The following PIK3C2G variants were observed in gnomAD, a reference collection of about 807,000 sequenced individuals.
The protein encoded by PIK3C2G is phosphatidylinositol 3-kinase C2 domain-containing subunit gamma.
A neutral mutation model predicts 181.1 loss-of-function variants in PIK3C2G; 168 were observed. The observed-to-expected ratio is 0.93, with a 90% CI of 0.82 to 1.05. The LOEUF is 1.05. PIK3C2G is among the 50% of genes least tolerant of loss of function. The pLI is 0.00. For synonymous variants in PIK3C2G, 573 were observed against 592.2 expected, an observed-to-expected ratio of 0.97 and a Z score of 0.47; for missense variants, 1,869 against 1,732.8, an observed-to-expected ratio of 1.08 and a Z score of -1.40.
chr12:18,316,789 A>G (rs1249906672), intron 6 of PIK3C2G, among the ~76,000 whole-genome samples: 2 of 152,012 alleles, frequency 1.3e-5, no homozygotes, highest in African/African-American at 4.8e-5. Flanking sequence ...ATGTATTTGT[A>G]TATTTGTATA....
the PIK3C2G span, among the ~76,000 whole-genome samples, chr12:18,721,884 AC>A: frequency 6.6e-6 from 1 of 151,954 alleles, no homozygotes; most frequent in Non-Finnish European, 1.5e-5. Flanking sequence ...AATATCGAGA[AC>A]CCTTCAAAAT....
chr12:18,498,553 T>C (rs553807998), intron 22 of PIK3C2G, among the ~76,000 whole-genome samples: 101 of 148,538 alleles, frequency 6.8e-4, no homozygotes, highest in African/African-American at 2.3e-3. Context: ...AGAGGGGATC[T>C]AGACCATGTA....
intron 32 of PIK3C2G, among the ~76,000 whole-genome samples, chr12:18,642,231 G>C (rs1433805695): frequency 6.6e-6 from 1 of 152,140 alleles, no homozygotes; most frequent in Non-Finnish European, 1.5e-5. Flanking sequence ...TCTAAAAGTT[G>C]TATAGCTTTA....
chr12:18,629,615 G>A (rs1312692165), intron 31 of PIK3C2G, among the ~76,000 whole-genome samples: 1 of 152,122 alleles, frequency 6.6e-6, no homozygotes, highest in Non-Finnish European at 1.5e-5. Flanking sequence ...AAGGGTAGTT[G>A]GCGTGTAATT....
intron 18 of PIK3C2G, among the ~76,000 whole-genome samples, chr12:18,442,373 A>G (rs1946790756): frequency 6.6e-6 from 1 of 151,244 alleles, no homozygotes; most frequent in Admixed American, 6.7e-5. Flanking sequence ...TCCTTAGAAG[A>G]ATAAGAAAAA....
chr12:18,321,420 G>C (rs1193153100), intron 7 of PIK3C2G, among the ~76,000 whole-genome samples: 4 of 152,156 alleles, frequency 2.6e-5, no homozygotes, highest in South Asian at 4.1e-4. Context: ...AAAATAAATG[G>C]TATATCATAA....
At chr12:18,586,684 A>C (rs1163627641) in intron 29 of PIK3C2G, among the ~76,000 whole-genome samples, 5 of 152,114 alleles carry the variant, frequency 3.3e-5, no homozygotes, top group Non-Finnish European at 7.4e-5. Context: ...GTTCCAAAAA[A>C]TTGAGAAGAG....
At chr12:18,539,848 T>C (rs572496974) in intron 25 of PIK3C2G, among the ~76,000 whole-genome samples, 2 of 152,068 alleles carry the variant, frequency 1.3e-5, no homozygotes, top group East Asian at 3.9e-4. Context: ...AAAGTGGATA[T>C]ATAAAGTTCT....
intron 6 of PIK3C2G, among the ~76,000 whole-genome samples, chr12:18,314,981 C>T (rs1237592272): frequency 1.3e-5 from 2 of 152,250 alleles, no homozygotes; most frequent in Admixed American, 6.5e-5. Flanking sequence ...TTCCCTGTGT[C>T]ATGTTGTGAG....
chr12:18,536,390 A>G lies in PIK3C2G; in HGVS notation c.3324-1766A>G, dbSNP rs543529340. 2.0e-5 allele frequency among the ~76,000 whole-genome samples: 3 copies of G among 152,200 alleles called. No homozygotes were observed. The East Asian group carries it at 5.8e-4, about 29-fold the overall frequency. The stretch of plus-strand genomic sequence containing the variant: ...CCCATTTGATTCTCTCAACCATACC[A>G]AGAGTCAAGTGCTCTTATCTCCATT... On this transcript the variant is annotated intron_variant, in intron 24 of 32. Coordinates refer to ENST00000538779, the MANE Select transcript of PIK3C2G (RefSeq NM_001288772.2).
intron 24 of PIK3C2G, among the ~76,000 whole-genome samples, chr12:18,519,373 T>C (rs1942764629): frequency 6.6e-6 from 1 of 152,254 alleles, no homozygotes; most frequent in Non-Finnish European, 1.5e-5. Flanking sequence ...TGTTGGTCTC[T>C]AAGAACTTGT....
At chr12:18,401,542 A>G (rs1181708078) in intron 16 of PIK3C2G, among the ~76,000 whole-genome samples, 1 of 152,142 alleles carries the variant, frequency 6.6e-6, no homozygotes, top group Admixed American at 6.5e-5. Flanking sequence ...GTCATTCTTG[A>G]GTTGATTAAC....
At chr12:18,471,688 T>A (rs1176652285) in intron 18 of PIK3C2G, among the ~76,000 whole-genome samples, 2 of 152,188 alleles carry the variant, frequency 1.3e-5, no homozygotes, top group Non-Finnish European at 2.9e-5. Flanking sequence ...TGAACAATGG[T>A]AATTTCTTCC....
intron 31 of PIK3C2G, among the ~76,000 whole-genome samples, chr12:18,617,765 T>C (rs1948671033): frequency 6.6e-6 from 1 of 152,086 alleles, no homozygotes; most frequent in South Asian, 2.1e-4. Context: ...TCCCCAAAGA[T>C]AGTGGCTACA....
In PIK3C2G at chr12:18,551,031, T is replaced by C. The variant is rs570842742; in HGVS notation, c.3590+4599T>C. Among the ~76,000 whole-genome samples the C allele has an allele frequency of 8.5e-5, 13 of 152,246 alleles. No homozygotes were observed. The South Asian group carries it at 2.7e-3, about 32-fold the overall frequency. On this transcript the variant is annotated intron_variant, in intron 26 of 32. Coordinates refer to ENST00000538779, the MANE Select transcript of PIK3C2G (RefSeq NM_001288772.2). The stretch of plus-strand genomic sequence containing the variant: ...TAGGTCAAGAGCTGATCCTAAGAGT[T>C]TCAGGCGATGCTGCATACTGTGTGG...
chr12:18,257,369 A>G (rs966191813), upstream of PIK3C2G, among the ~76,000 whole-genome samples: 3 of 152,192 alleles, frequency 2.0e-5, no homozygotes, highest in Non-Finnish European at 4.4e-5. Flanking sequence ...ACTTTTTGCA[A>G]TAATGATAGG....
Position 18,255,163 on chromosome 12 carries a change from C to A in PIK3C2G, c.-79+7081C>A, listed in dbSNP as rs1177418688. ...CTCAGGAAGTGGAGATTGCGGTGAG[C>A]TGAGATCGCACCGTTGCACTCCAGC... On this transcript the variant is annotated intron_variant, in intron 1 of 11. Coordinates refer to the PIK3C2G transcript ENST00000535651. Among the ~76,000 whole-genome samples, 5 of 151,454 alleles carry A rather than the reference C, an allele frequency of 3.3e-5. No homozygotes were observed. The East Asian group carries it at 9.8e-4, about 30-fold the overall frequency.
At chr12:18,452,398 T>G (rs934221465) in intron 18 of PIK3C2G, among the ~76,000 whole-genome samples, 6 of 152,194 alleles carry the variant, frequency 3.9e-5, no homozygotes, top group Non-Finnish European at 8.8e-5. Context: ...TTTATACTTC[T>G]GTGGGATCAG....
chr12:18,650,293 TTCTCTCTCTCTCTCTCTCTCTC>T (rs140285960), downstream of PIK3C2G, among the ~76,000 whole-genome samples: 3 of 87,736 alleles, frequency 3.4e-5, no homozygotes, highest in South Asian at 1.1e-3. Flanking sequence ...TAACCCAAAT[TTCTCTCTCTCTCTCTCTCTCTC>T]TCTCTCTCTC....
Sources: gnomAD v4.1 joint callset for allele counts (sites outside exome capture counted in the v4.1 genomes callset) on GRCh38, gnomAD v4.1.1 for gene constraint, MANE v1.5 for transcripts, NCBI Gene and HGNC (gene_info 2026-07-23, HGNC 2026-07-21) for gene names.